The following POGLUT2 variants were observed in gnomAD, a reference collection of about 807,000 sequenced individuals.
POGLUT2 encodes protein O-glucosyltransferase 2, also known as ER protein 58.
POGLUT2 carries 47 observed loss-of-function variants against 57.6 expected under a neutral mutation model. The observed-to-expected ratio is 0.82, with a 90% CI of 0.65 to 1.04. POGLUT2 has a LOEUF of 1.04. POGLUT2 is among the 50% of genes least tolerant of loss of function. The pLI, the probability that POGLUT2 is intolerant of heterozygous loss-of-function variation, is 0.00. For synonymous variants in POGLUT2, 200 were observed against 218.8 expected, an observed-to-expected ratio of 0.91 and a Z score of 0.76; for missense variants, 565 against 614.8, an observed-to-expected ratio of 0.92 and a Z score of 0.86.
At chr13:102,794,309 A>G (rs574679877) in intron 2 of POGLUT2, among the ~76,000 whole-genome samples, 1 of 152,254 alleles carries the variant, frequency 6.6e-6, no homozygotes, top group East Asian at 1.9e-4. Flanking sequence ...ACAGCTCTTC[A>G]CAGTGAAGTT....
intron 2 of POGLUT2, among the ~76,000 whole-genome samples, chr13:102,796,112 T>C (rs60951398): frequency 0.067 from 10,216 of 151,748 alleles, 497 homozygotes; most frequent in African/African-American, 0.13. Context: ...CTGGTCAACA[T>C]GGTGAAATCC....
Position 102,786,264 on chromosome 13 carries a change from C to T in POGLUT2, c.1459G>A (p.Asp487Asn), listed in dbSNP as rs371232341. ...MKRVEPQTEDDLFPCTCHRKK... is the reference protein window; with the variant it reads ...MKRVEPQTEDNLFPCTCHRKK... ...CTATGGCAAGTACAAGGGAAGAGGT[C>T]GTCCTCAGTCTGTGGTTCTACCCTT... Residue 487 changes from aspartate to asparagine, a missense_variant, in exon 9 of 10, where the codon GAC becomes AAC. Physicochemically the swap from Asp to Asn is conservative, Grantham distance 23 (BLOSUM62 1). Transcript: ENST00000376004. The T allele has an allele frequency of 3.1e-6, 5 of 1,613,472 alleles. No homozygotes were observed. Among genetic ancestry groups the T allele is most frequent in the Non-Finnish European group, 3.4e-6 (4 of 1,179,506 alleles).
intron 7 of POGLUT2, among the ~76,000 whole-genome samples, chr13:102,788,682 G>C (rs1416027239): frequency 6.6e-5 from 10 of 152,124 alleles, no homozygotes; most frequent in Non-Finnish European, 1.3e-4. Context: ...GATGGGGTTT[G>C]ACCATGTTAG....
intron 7 of POGLUT2, among the ~76,000 whole-genome samples, chr13:102,788,479 T>C (rs1878039485): frequency 6.6e-6 from 1 of 152,110 alleles, no homozygotes; most frequent in Admixed American, 6.6e-5. Context: ...TTTGTTGTTG[T>C]TGTTGTTGTT....
At position 102,796,859 on chromosome 13, in the gene POGLUT2, C is replaced by T; in HGVS notation, c.333G>A (p.Lys111=). Reference sequence around the variant, plus strand: ...GTTGCCCTTGGAATTTAATTTCCACCTTCAGATTTTTGTAGCTTGCATACA... The same window carrying T: ...GTTGCCCTTGGAATTTAATTTCCACTTTCAGATTTTTGTAGCTTGCATACA... ...YRMYASYKNL[K]VEIKFQGQHV... Residue 111 remains lysine (K), a synonymous_variant, in exon 2 of 10, where the codon AAG becomes AAA. Transcript: ENST00000376004. The T allele has an allele frequency of 6.2e-7, 1 of 1,610,038 alleles. No individual in the cohort carries two copies. The highest frequency in any genetic ancestry group is 8.5e-7 in the Non-Finnish European group (1 of 1,176,754).
At chr13:102,793,033 C>T (rs1403355533) in intron 4 of POGLUT2, 1 of 252,042 alleles carries the variant, frequency 4.0e-6, no homozygotes, top group Non-Finnish European at 7.6e-6. Flanking sequence ...GCTTTGACCT[C>T]CTAAAGTGCT....
chr13:102,791,241 CCT>C lies in POGLUT2; in HGVS notation c.845+15_845+16del. ...AAGAAAACCAAGGCTCTGGGCCAACCCTGACTTATCTCTCACCGGCCCATGGT... is the reference window on the plus strand; with the variant it reads ...AAGAAAACCAAGGCTCTGGGCCAACCGACTTATCTCTCACCGGCCCATGGT... On this transcript the variant is annotated intron_variant, in intron 5 of 9. Coordinates refer to ENST00000376004, the MANE Select transcript of POGLUT2 (RefSeq NM_024089.3). 1 of 1,602,156 alleles carries C rather than the reference CCT, an allele frequency of 6.2e-7. No individual in the cohort carries two copies. The highest frequency in any genetic ancestry group is 8.5e-7 in the Non-Finnish European group (1 of 1,174,492).
At chr13:102,796,186 A>T (rs1311793550) in intron 2 of POGLUT2, among the ~76,000 whole-genome samples, 1 of 151,476 alleles carries the variant, frequency 6.6e-6, no homozygotes, top group Non-Finnish European at 1.5e-5. Flanking sequence ...TCCCAGCTAC[A>T]TGGGAGGCTA....
chr13:102,787,193 T>C (rs921134001), intron 8 of POGLUT2, among the ~76,000 whole-genome samples: 1 of 151,986 alleles, frequency 6.6e-6, no homozygotes, highest in Non-Finnish European at 1.5e-5. Flanking sequence ...ATTATAGGTG[T>C]GCACCACCAC....
chr13:102,792,094 G>A lies in POGLUT2; in HGVS notation c.673-664C>T, dbSNP rs1878203755. 5 of 1,283,584 alleles carry A rather than the reference G, an allele frequency of 3.9e-6. No homozygotes were observed. The South Asian group carries it at 5.0e-5, about 13-fold the overall frequency. The allele number at this position is 1,283,584 out of a possible 1,614,324, so 79.5% of individuals were successfully genotyped here. A position where few individuals can be genotyped will look rare whatever the true frequency, so the allele number is the denominator to read the frequency against. The stretch of plus-strand genomic sequence containing the variant: ...AAGAGAAGTATGACGGTACTCTGAT[G>A]TCTTAGTTTAAAGGAGGCTTAATAT... On this transcript the variant is annotated intron_variant, in intron 4 of 9. Coordinates refer to ENST00000376004, the MANE Select transcript of POGLUT2 (RefSeq NM_024089.3).
intron 2 of POGLUT2, 36 bp downstream of exon 2, chr13:102,796,768 C>A: frequency 1.9e-6 from 2 of 1,047,926 alleles, no homozygotes; most frequent in South Asian, 2.7e-5. Flanking sequence ...TTATTTTATT[C>A]AAATACTGCT....
chr13:102,789,825 G>A (rs947368276), intron 6 of POGLUT2, among the ~76,000 whole-genome samples: 1 of 152,090 alleles, frequency 6.6e-6, no homozygotes, highest in Non-Finnish European at 1.5e-5. Context: ...CTCGAACCCT[G>A]GAACTCAGGT....
At chr13:102,789,788 C>T (rs1289578656) in intron 6 of POGLUT2, among the ~76,000 whole-genome samples, 2 of 151,968 alleles carry the variant, frequency 1.3e-5, no homozygotes, top group African/African-American at 4.8e-5. Context: ...AGTAGAGATG[C>T]GGTTTCACCA....
chr13:102,798,547 C>A lies in POGLUT2; in HGVS notation c.124G>T (p.Asp42Tyr). 1 of 1,613,140 alleles carries A rather than the reference C, an allele frequency of 6.2e-7. No individual in the cohort carries two copies. The highest frequency in any genetic ancestry group is 1.7e-4 in the Middle Eastern group (1 of 6,056). ...SEIWGPGLKA[D>Y]VVLPARYFYI... ...AAATAGCGGGCGGGAAGGACGACGT[C>A]TGCTTTTAGCCCGGGTCCCCATATT... is the stretch of plus-strand genomic sequence containing the variant. Residue 42 changes from aspartate (D) to tyrosine (Y), a missense_variant, in exon 1 of 10, where the codon GAC (aspartate) becomes TAC (tyrosine). By Grantham distance (160) the Asp-to-Tyr change is radical (BLOSUM62 -3). Coordinates refer to ENST00000376004, the MANE Select transcript of POGLUT2 (RefSeq NM_024089.3).
Position 102,793,578 on chromosome 13 carries a change from A to G in POGLUT2, c.594+23T>C, listed in dbSNP as rs1878264483. On this transcript the variant is annotated intron_variant, in intron 3 of 9. Coordinates refer to ENST00000376004, the MANE Select transcript of POGLUT2 (RefSeq NM_024089.3). ...AAGAAAAAAAATCACTAAAACAAACAAGCAAAAAATCATGTGTTGTACCTT... is the reference window on the plus strand; with the variant it reads ...AAGAAAAAAAATCACTAAAACAAACGAGCAAAAAATCATGTGTTGTACCTT... The G allele has an allele frequency of 2.5e-6, 4 of 1,592,572 alleles. No individual in the cohort carries two copies. In the East Asian group the frequency reaches 9.0e-5, roughly 36 times the overall value.
intron 7 of POGLUT2, 122 bp downstream of exon 7, chr13:102,788,890 C>T (rs1878058250): frequency 1.2e-6 from 1 of 852,442 alleles, no homozygotes; most frequent in South Asian, 1.5e-5. Context: ...GGCAGCTTCC[C>T]ATTTACAGGC....
chr13:102,798,587 GCTCAGCTGC>G lies in POGLUT2; in HGVS notation c.75_83del (p.Arg25_Leu27del), dbSNP rs763078127. On this transcript the variant is annotated inframe_deletion, in exon 1 of 10. Coordinates refer to ENST00000376004, the MANE Select transcript of POGLUT2 (RefSeq NM_024089.3). The stretch of plus-strand genomic sequence containing the variant: ...GTCCCCATATTTCGCTCTTCTCCGG[GCTCAGCTGC>G]CTTTCTCCGCCGGTCTCGGCGAGTG... 6.2e-7 allele frequency: 1 copy of G among 1,613,712 alleles called. No homozygotes were observed. Among genetic ancestry groups the G allele is most frequent in the South Asian group, 1.1e-5 (1 of 91,008 alleles).
At chr13:102,795,748 AC>A (rs1373909446) in intron 2 of POGLUT2, among the ~76,000 whole-genome samples, 1 of 152,122 alleles carries the variant, frequency 6.6e-6, no homozygotes, top group Non-Finnish European at 1.5e-5. Flanking sequence ...AGTGGGTGAT[AC>A]TGTACCAGGC....
At chr13:102,793,139 G>C (rs1447933362) in intron 4 of POGLUT2, 1 of 513,314 alleles carries the variant, frequency 1.9e-6, no homozygotes, top group Non-Finnish European at 3.5e-6. Flanking sequence ...GTTATTTTAA[G>C]GCTTCCAGTT....
Sources: gnomAD v4.1 joint callset for allele counts (sites outside exome capture counted in the v4.1 genomes callset) on GRCh38, gnomAD v4.1.1 for gene constraint, MANE v1.5 for transcripts, NCBI Gene and HGNC (gene_info 2026-07-23, HGNC 2026-07-21) for gene names.